Variants in PRKG2 observed in about 807,000 individuals in gnomAD.
PRKG2 encodes cGMP-dependent protein kinase 2.
A neutral mutation model predicts 97.2 loss-of-function variants in PRKG2; 33 were observed. The observed-to-expected ratio is 0.34, with a 90% CI of 0.26 to 0.45. The LOEUF is 0.45. Ranked by LOEUF, PRKG2 falls within the 20% of genes least tolerant of loss-of-function variation. The pLI, the probability that PRKG2 is intolerant of heterozygous loss-of-function variation, is 1.00. For missense variants in PRKG2, 638 were observed against 900.0 expected, an observed-to-expected ratio of 0.71 and a Z score of 3.73; for synonymous variants, 330 against 321.8, an observed-to-expected ratio of 1.03 and a Z score of -0.27.
At chr4:81,157,679 C>T (rs1417428904) in intron 6 of PRKG2, among the ~76,000 whole-genome samples, 1 of 151,990 alleles carries the variant, frequency 6.6e-6, no homozygotes, top group African/African-American at 2.4e-5. Flanking sequence ...CAAAAATCCT[C>T]AATAAAATAC....
At chr4:81,210,441 T>C (rs1293832209) in intron 1 of PRKG2, among the ~76,000 whole-genome samples, 1 of 152,040 alleles carries the variant, frequency 6.6e-6, no homozygotes, top group Non-Finnish European at 1.5e-5. Context: ...TAAATAAGCA[T>C]ATAAAAAGAA....
At chr4:81,162,426 G>A (rs541111968) in intron 6 of PRKG2, among the ~76,000 whole-genome samples, 1 of 152,170 alleles carries the variant, frequency 6.6e-6, no homozygotes, top group African/African-American at 2.4e-5. Context: ...TCATGCATGT[G>A]TCTTTATACT....
chr4:81,128,334 T>C (rs543186827), intron 14 of PRKG2, among the ~76,000 whole-genome samples: 2 of 152,218 alleles, frequency 1.3e-5, no homozygotes, highest in Non-Finnish European at 2.9e-5. Flanking sequence ...ATCAGGATGA[T>C]GCTGGCCTCA....
chr4:81,091,685 A>T (rs948723441), intron 18 of PRKG2, among the ~76,000 whole-genome samples: 1 of 152,200 alleles, frequency 6.6e-6, no homozygotes, highest in African/African-American at 2.4e-5. Context: ...CTACCAATGT[A>T]TAAGAGGAAA....
chr4:81,093,474 G>A (rs1327472979), intron 17 of PRKG2, among the ~76,000 whole-genome samples: 3 of 150,918 alleles, frequency 2.0e-5, no homozygotes, highest in African/African-American at 7.3e-5. Context: ...CATACTACTT[G>A]ACTTAGTTAT....
chr4:81,104,506 T>G, intron 16 of PRKG2, 74 bp from the exon 17 acceptor site: 2 of 715,842 alleles, frequency 2.8e-6, no homozygotes, highest in Non-Finnish European at 3.9e-6. Context: ...AAATTTTAAA[T>G]TAAAACTTAA....
chr4:81,177,273 G>T (rs1751010514), intron 2 of PRKG2, among the ~76,000 whole-genome samples: 1 of 152,108 alleles, frequency 6.6e-6, no homozygotes, highest in African/African-American at 2.4e-5. Context: ...AATTAAACAT[G>T]ACCCATGGCC....
At chr4:81,215,624 A>G (rs1754243228), upstream of PRKG2, among the ~76,000 whole-genome samples, 1 of 151,258 alleles carries the variant, frequency 6.6e-6, no homozygotes, top group African/African-American at 2.4e-5. Context: ...AAACAGGCGC[A>G]CGTACCCTGG....
At chr4:81,206,779 A>G in intron 1 of PRKG2, among the ~76,000 whole-genome samples, 1 of 152,210 alleles carries the variant, frequency 6.6e-6, no homozygotes, top group East Asian at 1.9e-4. Context: ...TGTGACCTCT[A>G]CAACAACAAA....
chr4:81,102,135 T>C (rs1742867703), intron 17 of PRKG2, among the ~76,000 whole-genome samples: 1 of 152,188 alleles, frequency 6.6e-6, no homozygotes, highest in African/African-American at 2.4e-5. Flanking sequence ...AAAGACAATG[T>C]TGCCTATTAA....
chr4:81,122,107 TGTTA>T (rs1451020265), intron 14 of PRKG2, among the ~76,000 whole-genome samples: 25 of 152,216 alleles, frequency 1.6e-4, no homozygotes, highest in Admixed American at 6.5e-5. Context: ...GATTATTATT[TGTTA>T]GAGTAAAACC....
At chr4:81,096,598 CAACT>C (rs1442180252) in intron 17 of PRKG2, among the ~76,000 whole-genome samples, 1 of 152,086 alleles carries the variant, frequency 6.6e-6, no homozygotes, top group African/African-American at 2.4e-5. Flanking sequence ...ACTACATTAT[CAACT>C]AAGTAAGTTT....
rs60004845 is a variant in PRKG2 at position 81,093,360 on chromosome 4, A to AACACACACAC, written c.2127-918_2127-909dup. 6.2e-4 allele frequency among the ~76,000 whole-genome samples: 72 copies of AACACACACAC among 116,380 alleles called. 3 individuals are homozygous for AACACACACAC. The highest frequency in any genetic ancestry group is 1.4e-3 in the African/African-American group (45 of 32,746). The allele number at this position is 116,380 out of a possible 152,430, so 76.3% of individuals were successfully genotyped here. A position where few individuals can be genotyped will look rare whatever the true frequency, so the allele number is the denominator to read the frequency against. On this transcript the variant is annotated intron_variant, in intron 17 of 18. Transcript: ENST00000264399. The stretch of plus-strand genomic sequence containing the variant: ...TCTAAAATTGAAACTCTCCCCCACC[A>AACACACACAC]ACACACACACACACACACACACACA...
intron 13 of PRKG2, among the ~76,000 whole-genome samples, chr4:81,135,735 C>G (rs903858373): frequency 6.6e-6 from 1 of 152,022 alleles, no homozygotes; most frequent in Non-Finnish European, 1.5e-5. Flanking sequence ...AGAGTAACCC[C>G]CGTAAAAATG....
chr4:81,106,835 T>C (rs1412672770), intron 15 of PRKG2, among the ~76,000 whole-genome samples: 1 of 152,144 alleles, frequency 6.6e-6, no homozygotes, highest in Non-Finnish European at 1.5e-5. Flanking sequence ...AGGGAGCTAG[T>C]TGCCTGGCTT....
intron 6 of PRKG2, among the ~76,000 whole-genome samples, chr4:81,162,658 C>T (rs1349026998): frequency 1.3e-5 from 2 of 152,134 alleles, no homozygotes; most frequent in South Asian, 2.1e-4. Flanking sequence ...CCCTTCATCC[C>T]TTCCCAATTT....
chr4:81,150,543 C>T (rs1457887847), intron 8 of PRKG2, among the ~76,000 whole-genome samples: 3 of 152,164 alleles, frequency 2.0e-5, no homozygotes, highest in African/African-American at 7.2e-5. Flanking sequence ...TGCTTTCAAA[C>T]ACCTTTAGGA....
intron 14 of PRKG2, among the ~76,000 whole-genome samples, chr4:81,113,409 G>C (rs986647226): frequency 6.6e-6 from 1 of 151,194 alleles, no homozygotes; most frequent in Non-Finnish European, 1.5e-5. Flanking sequence ...GAGGTTTCAA[G>C]ACGAGTACCT....
At position 81,131,504 on chromosome 4, in the gene PRKG2, G is replaced by C. The variant is rs538504601; in HGVS notation, c.1776+3651C>G. On this transcript the variant is annotated intron_variant, in intron 14 of 18. Coordinates refer to ENST00000264399, the MANE Select transcript of PRKG2 (RefSeq NM_006259.3). ...GTCTTTTTATTAGTGATTTGTAGGA[G>C]TTCTTTACATATTCTAGATACAAGC... 2.8e-3 allele frequency among the ~76,000 whole-genome samples: 428 copies of C among 152,240 alleles called. 1 individual carries two copies. Among genetic ancestry groups the C allele is most frequent in the African/African-American group, 9.7e-3 (404 of 41,542 alleles).
Sources: allele counts gnomAD v4.1 joint callset (sites outside exome capture counted in the v4.1 genomes callset), GRCh38; gene constraint gnomAD v4.1.1; transcripts MANE v1.5; gene names NCBI Gene and HGNC (gene_info 2026-07-23, HGNC 2026-07-21).